The following HIP1 variants were observed in gnomAD, a reference collection of about 807,000 sequenced individuals.
HIP1 encodes the protein huntingtin-interacting protein 1.
A neutral mutation model predicts 147.6 loss-of-function variants in HIP1; 65 were observed. That is an observed-to-expected ratio of 0.44 (90% CI 0.36 to 0.54). HIP1 has a LOEUF of 0.54. HIP1 is among the 20% of genes least tolerant of loss of function. HIP1 has a pLI of 0.00. For missense variants in HIP1, 1,061 were observed against 1,299.6 expected, an observed-to-expected ratio of 0.82 and a Z score of 2.82; for synonymous variants, 479 against 504.0, an observed-to-expected ratio of 0.95 and a Z score of 0.67.
chr7:75,557,592 GC>G, intron 16 of HIP1, 61 bp downstream of exon 16: 1 of 1,236,870 alleles, frequency 8.1e-7, no homozygotes, highest in Non-Finnish European at 1.2e-6. Flanking sequence ...AGGCCACAAA[GC>G]CCCCGCCACC....
At chr7:75,679,603 G>A (rs2705798) in intron 1 of HIP1, among the ~76,000 whole-genome samples, 151,028 of 152,254 alleles carry the variant, frequency 0.99, 74,908 homozygotes, top group East Asian at 1. Flanking sequence ...TTGCCACTCC[G>A]TTGTTCCTGA....
chr7:75,592,485 CT>C lies in HIP1; in HGVS notation c.213del (p.Ala73HisfsTer39). 1 of 1,610,934 alleles carries C rather than the reference CT, an allele frequency of 6.2e-7. No individual in the cohort carries two copies. The highest frequency in any genetic ancestry group is 8.5e-7 in the Non-Finnish European group (1 of 1,179,358). On this transcript the variant is annotated frameshift_variant, in exon 3 of 31. Coordinates refer to ENST00000336926, the MANE Select transcript of HIP1 (RefSeq NM_005338.7). LOFTEE classifies it high-confidence loss of function. ...RTCILGTHHEKGAQTFWSVVN... is the reference protein window; with the variant it reads ...RTCILGTHHEXGAQTFWSVVN... Reference sequence around the variant, plus strand: ...ACAACAGACCAGAAGGTCTGTGCCCCTTTCTCATGGTGGGTGCCCAGTATGC... The same window carrying C: ...ACAACAGACCAGAAGGTCTGTGCCCCTTCTCATGGTGGGTGCCCAGTATGC...
At chr7:75,650,858 T>C (rs558949717) in intron 1 of HIP1, among the ~76,000 whole-genome samples, 1 of 152,144 alleles carries the variant, frequency 6.6e-6, no homozygotes, top group South Asian at 2.1e-4. Flanking sequence ...GCAGCCAAGC[T>C]AATTCCATGT....
At chr7:75,637,990 C>A (rs868980159) in intron 1 of HIP1, among the ~76,000 whole-genome samples, 9,463 of 43,492 alleles carry the variant, frequency 0.22, 1,383 homozygotes, top group African/African-American at 0.42. Context: ...CCCCCCCCCC[C>A]CCCACACACA....
intron 1 of HIP1, among the ~76,000 whole-genome samples, chr7:75,636,138 T>C (rs1554509658): frequency 1.3e-5 from 2 of 151,704 alleles, no homozygotes; most frequent in Non-Finnish European, 2.9e-5. Context: ...GCCCAGGAGT[T>C]TGAGACCAGC....
chr7:75,680,244 A>G (rs929776470), intron 1 of HIP1, among the ~76,000 whole-genome samples: 7 of 152,138 alleles, frequency 4.6e-5, no homozygotes, highest in African/African-American at 1.7e-4. Context: ...GGGATTCGCC[A>G]TGTTGCCCAG....
At chr7:75,555,976 C>T (rs1554493170) in intron 18 of HIP1, 50 bp downstream of exon 18, 1 of 1,604,286 alleles carries the variant, frequency 6.2e-7, no homozygotes, top group East Asian at 2.2e-5. Flanking sequence ...GCGCAGAGGC[C>T]CTCGGTGGGA....
chr7:75,665,707 A>C (rs782456509), intron 1 of HIP1, among the ~76,000 whole-genome samples: 1 of 151,816 alleles, frequency 6.6e-6, no homozygotes, highest in Non-Finnish European at 1.5e-5. Flanking sequence ...TGCCTGGCTA[A>C]TTTTTGTATT....
At chr7:75,557,537 T>G in intron 16 of HIP1, 117 bp downstream of exon 16, 1 of 759,416 alleles carries the variant, frequency 1.3e-6, no homozygotes, top group South Asian at 1.5e-5. Flanking sequence ...GTGTGCTCCC[T>G]GCTGTGTGAT....
At chr7:75,591,093 C>G (rs1796486247) in intron 4 of HIP1, among the ~76,000 whole-genome samples, 1 of 151,044 alleles carries the variant, frequency 6.6e-6, no homozygotes, top group Non-Finnish European at 1.5e-5. Flanking sequence ...AGTGCAGTGG[C>G]CCAATCTTGG....
intron 1 of HIP1, among the ~76,000 whole-genome samples, chr7:75,699,226 C>T (rs1554519002): frequency 6.6e-6 from 1 of 151,958 alleles, no homozygotes; most frequent in African/African-American, 2.4e-5. Context: ...ACTATAGGCG[C>T]TCGGCTTTCA....
chr7:75,736,318 C>T (rs1175819241), intron 1 of HIP1, among the ~76,000 whole-genome samples: 7 of 152,046 alleles, frequency 4.6e-5, no homozygotes, highest in African/African-American at 7.2e-5. Flanking sequence ...GGGTCAAAGT[C>T]TTACGCATAT....
intron 1 of HIP1, among the ~76,000 whole-genome samples, chr7:75,604,305 A>C (rs1404795651): frequency 6.6e-6 from 1 of 152,200 alleles, no homozygotes; most frequent in Non-Finnish European, 1.5e-5. Context: ...GGACATGGTT[A>C]AGTTCCAGGG....
rs782440545 is a variant in HIP1 at position 75,554,192 on chromosome 7, G to C, written c.2079C>G (p.Thr693=). ...CGTCGCTGGTCAAGTGGGCCAGCAG[G>C]GTTATGGAATGGAGAAGTCCACTGA... ...EDISGLLHSI[T]LLAHLTSDAI... is the part of the protein sequence containing the mutation. The change falls in exon 21 of 31, where the codon ACC becomes ACG. Residue 693 remains threonine (T), a synonymous_variant. Coordinates refer to ENST00000336926, the MANE Select transcript of HIP1 (RefSeq NM_005338.7). The C allele has an allele frequency of 1.2e-6, 2 of 1,614,036 alleles. No homozygotes were observed. Among genetic ancestry groups the C allele is most frequent in the Admixed American group, 3.3e-5 (2 of 60,010 alleles).
chr7:75,535,169 C>T lies in HIP1; in HGVS notation c.*3003G>A, dbSNP rs964949490. The T allele has an allele frequency of 3.3e-5, 7 of 213,238 alleles. No individual in the cohort carries two copies. The highest frequency in any genetic ancestry group is 6.8e-5 in the African/African-American group (3 of 44,210). The allele number at this position is 213,238 out of a possible 1,614,324, so 13.2% of individuals were successfully genotyped here. On this transcript the variant is annotated 3_prime_UTR_variant, in exon 31 of 31. Coordinates refer to ENST00000336926, the MANE Select transcript of HIP1 (RefSeq NM_005338.7). ...GCTTCTGTTTAAGTGCTTTCTTAAC[C>T]GTTATGACTCAGGCTAAGTCGATGA...
rs182993111 is a variant in HIP1 at position 75,685,170 on chromosome 7, T to C, written c.120+53631A>G. On this transcript the variant is annotated intron_variant, in intron 1 of 30. Transcript: ENST00000336926. ...TAGGCAGAGTGTAATCCTGGCACTG[T>C]GGGAGGCTGAGGTGGGAGGATCGCT... Among the ~76,000 whole-genome samples the C allele has an allele frequency of 2.1e-3, 315 of 152,036 alleles. 1 individual carries two copies. The highest frequency in any genetic ancestry group is 7.1e-3 in the African/African-American group (294 of 41,484).
intron 1 of HIP1, among the ~76,000 whole-genome samples, chr7:75,612,144 G>C (rs951836117): frequency 6.6e-6 from 1 of 152,228 alleles, no homozygotes; most frequent in Admixed American, 6.5e-5. Flanking sequence ...GGGGTGGCAG[G>C]TCCCCAGGCA....
intron 1 of HIP1, among the ~76,000 whole-genome samples, chr7:75,641,484 CCTT>C (rs1228095367): frequency 7.8e-6 from 1 of 128,654 alleles, no homozygotes; most frequent in Non-Finnish European, 1.7e-5. Flanking sequence ...TTTATTTGCT[CCTT>C]GTTTGCTTTT....
intron 1 of HIP1, among the ~76,000 whole-genome samples, chr7:75,650,682 G>A (rs947409786): frequency 4.0e-5 from 6 of 151,790 alleles, no homozygotes; most frequent in African/African-American, 7.3e-5. Flanking sequence ...CAAACTCCTC[G>A]GCCTCCCAAG....
Sources: allele counts gnomAD v4.1 joint callset (sites outside exome capture counted in the v4.1 genomes callset), GRCh38; gene constraint gnomAD v4.1.1; transcripts MANE v1.5; gene names NCBI Gene and HGNC (gene_info 2026-07-23, HGNC 2026-07-21).